Variants in AGBL1 observed in about 807,000 individuals in gnomAD.
AGBL1 encodes AGBL carboxypeptidase 1.
A neutral mutation model predicts 118.9 loss-of-function variants in AGBL1; 130 were observed. The ratio of observed to expected loss-of-function variants is 1.09; its 90% confidence interval spans 0.95 to 1.26. AGBL1 has a LOEUF of 1.26. AGBL1 is among the 50% of genes most tolerant of loss of function. AGBL1 has a pLI of 0.00. For synonymous variants in AGBL1, 555 were observed against 478.9 expected (o/e 1.16, Z -2.08); for missense variants, 1,584 against 1,298.1 (o/e 1.22, Z -3.38).
chr15:86,481,388 C>T (rs1381762536), intron 18 of AGBL1, among the ~76,000 whole-genome samples: 6 of 152,086 alleles, frequency 3.9e-5, no homozygotes. Context: ...GCTTCCAGAT[C>T]CCATGCTCTT....
At chr15:86,357,084 T>G (rs2080732983) in intron 17 of AGBL1, among the ~76,000 whole-genome samples, 1 of 152,316 alleles carries the variant, frequency 6.6e-6, no homozygotes, top group South Asian at 2.1e-4. Context: ...ACTCAGAATA[T>G]TTTAACGTGG....
chr15:86,492,318 T>G (rs1398791229), intron 18 of AGBL1, among the ~76,000 whole-genome samples: 1 of 152,038 alleles, frequency 6.6e-6, no homozygotes, highest in Non-Finnish European at 1.5e-5. Flanking sequence ...GAACTGCAAA[T>G]GGATCAGTAT....
In AGBL1 at chr15:86,264,786, T is replaced by C. The variant is rs564644978; in HGVS notation, c.1615T>C (p.Cys539Arg). 2 of 1,613,850 alleles carry C rather than the reference T, an allele frequency of 1.2e-6. No homozygotes were observed. The highest frequency in any genetic ancestry group is 8.5e-7 in the Non-Finnish European group (1 of 1,179,822). Residue 539 changes from cysteine (C) to arginine (R), a missense_variant, in exon 11 of 23, where the codon TGT becomes CGT. Physicochemically the swap from Cys to Arg is radical, Grantham distance 180. Coordinates refer to ENST00000614907, the MANE Select transcript of AGBL1 (RefSeq NM_001386094.1). ...GGCATTTCCTGATGTCTGGGGACACTGTCCCCCTCCCACCACCCAGCCTAT... is the reference window on the plus strand; with the variant it reads ...GGCATTTCCTGATGTCTGGGGACACCGTCCCCCTCCCACCACCCAGCCTAT... ...MMAFPDVWGH[C>R]PPPTTQPMLE...
chr15:86,565,511 C>G (rs572629794), intron 21 of AGBL1, among the ~76,000 whole-genome samples: 1 of 152,320 alleles, frequency 6.6e-6, no homozygotes, highest in East Asian at 1.9e-4. Context: ...CAGAGGGGTA[C>G]CCAGCCATGT....
intron 17 of AGBL1, among the ~76,000 whole-genome samples, chr15:86,310,844 A>G (rs550704087): frequency 1.1e-4 from 17 of 152,354 alleles, no homozygotes; most frequent in Non-Finnish European, 2.4e-4. Context: ...CATATGGATC[A>G]TAAATTCAAA....
At chr15:86,166,691 G>T (rs2093714633) in intron 5 of AGBL1, among the ~76,000 whole-genome samples, 1 of 152,154 alleles carries the variant, frequency 6.6e-6, no homozygotes, top group Non-Finnish European at 1.5e-5. Flanking sequence ...CAGGTGTGTT[G>T]GACTGGTGAG....
rs185459092 is a variant in AGBL1, at chr15:86,982,172, G to A, written c.3222-5815G>A. Among the ~76,000 whole-genome samples, 17 of 152,096 alleles carry A rather than the reference G, an allele frequency of 1.1e-4. 1 individual carries two copies. The East Asian group carries it at 3.3e-3, about 29-fold the overall frequency. On this transcript the variant is annotated intron_variant, in intron 23 of 24. Coordinates refer to the AGBL1 transcript ENST00000441037. Reference sequence around the variant, plus strand: ...CTCAGAAAGAGTTTCTTATCCCTAAGAACTTCTTTATATTTAATCATATAG... The same window carrying A: ...CTCAGAAAGAGTTTCTTATCCCTAAAAACTTCTTTATATTTAATCATATAG...
chr15:86,962,501 G>C (rs542894531), intron 23 of AGBL1, among the ~76,000 whole-genome samples: 5 of 151,646 alleles, frequency 3.3e-5, no homozygotes, highest in Non-Finnish European at 7.4e-5. Flanking sequence ...CCACATATTC[G>C]TTTCACCACA....
chr15:86,909,096 G>A lies in AGBL1; in HGVS notation c.*1802G>A, dbSNP rs1379036002. On this transcript the variant is annotated 3_prime_UTR_variant, in exon 23 of 23. Coordinates refer to ENST00000614907, the MANE Select transcript of AGBL1 (RefSeq NM_001386094.1). ...AAGAAGAACACAAAAAGAAATGCCTGTTTTCTATCTTTCCAAAAGCTCTAC... is the reference window on the plus strand; with the variant it reads ...AAGAAGAACACAAAAAGAAATGCCTATTTTCTATCTTTCCAAAAGCTCTAC... 1.3e-5 allele frequency: 2 copies of A among 152,134 alleles called. No individual in the cohort carries two copies. The highest frequency in any genetic ancestry group is 4.8e-5 in the African/African-American group (2 of 41,432). The allele number at this position is 152,134 out of a possible 1,614,324, so 9.4% of individuals were successfully genotyped here.
chr15:86,217,423 C>T (rs986504429), intron 5 of AGBL1, among the ~76,000 whole-genome samples: 9 of 152,178 alleles, frequency 5.9e-5, no homozygotes, highest in African/African-American at 1.7e-4. Flanking sequence ...GAAAACAAAA[C>T]ATGTTTCCTA....
chr15:86,207,637 G>T (rs1336972356), intron 5 of AGBL1, among the ~76,000 whole-genome samples: 2 of 152,150 alleles, frequency 1.3e-5, no homozygotes, highest in African/African-American at 2.4e-5. Flanking sequence ...GTATAGGAAT[G>T]CTTGTGATTT....
At chr15:86,282,418 C>T (rs746718264) in intron 16 of AGBL1, among the ~76,000 whole-genome samples, 14 of 152,132 alleles carry the variant, frequency 9.2e-5, no homozygotes, top group Non-Finnish European at 2.9e-5. Flanking sequence ...AGCCTACTGA[C>T]TGTGAATGTC....
At chr15:86,750,107 C>G in intron 22 of AGBL1, among the ~76,000 whole-genome samples, 1 of 151,950 alleles carries the variant, frequency 6.6e-6, no homozygotes, top group Admixed American at 6.6e-5. Context: ...CCTTGTACTG[C>G]TAGAGGCAAT....
At chr15:86,701,417 T>A (rs1008417421) in intron 22 of AGBL1, among the ~76,000 whole-genome samples, 9 of 152,056 alleles carry the variant, frequency 5.9e-5, no homozygotes, top group African/African-American at 2.2e-4. Flanking sequence ...GTTGATAGAA[T>A]CCACATGGAT....
At chr15:86,642,571 T>C (rs989026557) in intron 21 of AGBL1, among the ~76,000 whole-genome samples, 2 of 150,456 alleles carry the variant, frequency 1.3e-5, no homozygotes, top group Non-Finnish European at 3.0e-5. Context: ...ACATGCAACT[T>C]TTGTCTTCTG....
chr15:86,085,947 C>T (rs974269899), intron 1 of AGBL1, among the ~76,000 whole-genome samples: 2 of 152,176 alleles, frequency 1.3e-5, no homozygotes, highest in African/African-American at 4.8e-5. Flanking sequence ...ATCTTCTGAG[C>T]CCAGATTTTG....
chr15:86,756,045 A>T (rs1439585843), intron 22 of AGBL1, among the ~76,000 whole-genome samples: 1 of 152,240 alleles, frequency 6.6e-6, no homozygotes, highest in South Asian at 2.1e-4. Context: ...TTTGGTTCTC[A>T]GTTGAGGTTA....
At chr15:86,585,187 C>T (rs1269911512) in intron 21 of AGBL1, among the ~76,000 whole-genome samples, 1 of 152,004 alleles carries the variant, frequency 6.6e-6, no homozygotes, top group Admixed American at 6.6e-5. Context: ...TTTCTCTTGC[C>T]TGATTGCTCT....
Position 86,120,134 on chromosome 15 carries a change from C to T in AGBL1, c.52-21870C>T, listed in dbSNP as rs539762196. Among the ~76,000 whole-genome samples the T allele has an allele frequency of 2.7e-4, 41 of 152,276 alleles. 1 individual carries two copies. Among genetic ancestry groups the T allele is most frequent in the Admixed American group, 9.2e-4 (14 of 15,278 alleles). ...TAAAATCTAAACTCCCCATTAAAAT[C>T]TAAACTCCCCATCCTGCCTTCCCAG... On this transcript the variant is annotated intron_variant, in intron 1 of 22. Transcript: ENST00000614907.
Sources: allele counts gnomAD v4.1 joint callset (sites outside exome capture counted in the v4.1 genomes callset), GRCh38; gene constraint gnomAD v4.1.1; transcripts MANE v1.5; gene names NCBI Gene and HGNC (gene_info 2026-07-23, HGNC 2026-07-21).